The following SMCHD1 variants were observed in gnomAD, a reference collection of about 807,000 sequenced individuals.
SMCHD1 encodes structural maintenance of chromosomes flexible hinge domain-containing protein 1.
SMCHD1 carries 78 observed loss-of-function variants against 254.7 expected under a neutral mutation model. The observed-to-expected ratio is 0.31, with a 90% confidence interval of 0.26 to 0.37. SMCHD1 has a LOEUF of 0.37. Among genes scored for constraint, SMCHD1 ranks in the 10% least tolerant of loss-of-function variants. The pLI is 1.00. For missense variants in SMCHD1, 1,840 were observed against 2,408.1 expected, an observed-to-expected ratio of 0.76 and a Z score of 4.94; for synonymous variants, 766 against 794.9, an observed-to-expected ratio of 0.96 and a Z score of 0.61.
At chr18:2,728,806 G>A (rs2075076846) in intron 23 of SMCHD1, 1 of 453,892 alleles carries the variant, frequency 2.2e-6, no homozygotes, top group South Asian at 4.0e-5. Flanking sequence ...TCATAAATTT[G>A]TGAATAAAAG....
chr18:2,763,532 T>C (rs149884954), intron 36 of SMCHD1, 105 bp from the exon 37 acceptor site: 2 of 922,804 alleles, frequency 2.2e-6, no homozygotes, highest in African/African-American at 3.5e-5. Flanking sequence ...ATCCAGATAA[T>C]TTAATGTTGG....
intron 1 of SMCHD1, among the ~76,000 whole-genome samples, chr18:2,664,160 A>G (rs1367039137): frequency 7.2e-5 from 11 of 152,168 alleles, no homozygotes; most frequent in Non-Finnish European, 1.0e-4. Context: ...TTTGTAATGT[A>G]TTTAAGGCAT....
intron 7 of SMCHD1, among the ~76,000 whole-genome samples, chr18:2,692,467 C>A (rs641217): frequency 0.84 from 128,426 of 152,182 alleles, 57,568 homozygotes; most frequent in East Asian, 1. Context: ...TTTACAATTA[C>A]TGGCATCCAC....
intron 7 of SMCHD1, among the ~76,000 whole-genome samples, chr18:2,693,501 C>A (rs1482933464): frequency 2.6e-5 from 4 of 152,178 alleles, no homozygotes; most frequent in African/African-American, 9.7e-5. Context: ...AAAAGGTACA[C>A]TAATTTTACA....
At chr18:2,772,756 A>G (rs1057182449) in intron 41 of SMCHD1, among the ~76,000 whole-genome samples, 1 of 152,146 alleles carries the variant, frequency 6.6e-6, no homozygotes. Context: ...TCAGCCCCCC[A>G]AGTAGCTGTG....
intron 44 of SMCHD1, among the ~76,000 whole-genome samples, chr18:2,782,451 C>A (rs2076170698): frequency 6.6e-6 from 1 of 151,930 alleles, no homozygotes; most frequent in African/African-American, 2.4e-5. Flanking sequence ...TATTTAAGAT[C>A]ATATTAGGCT....
chr18:2,735,068 CAA>C (rs34701329), intron 25 of SMCHD1, among the ~76,000 whole-genome samples: 4 of 148,972 alleles, frequency 2.7e-5, no homozygotes, highest in African/African-American at 2.5e-5. Context: ...AGACTCATCT[CAA>C]AAAAAAAAAG....
At position 2,770,872 on chromosome 18, in the gene SMCHD1, T is replaced by C. The variant is rs757183248; in HGVS notation, c.4967-661T>C. Among the ~76,000 whole-genome samples the C allele has an allele frequency of 4.9e-4, 75 of 152,326 alleles. 1 individual carries two copies. The highest frequency in any genetic ancestry group is 1.7e-3 in the African/African-American group (69 of 41,582). ...CTTACCTCAAGTGATCTGCCCACCTTGGCCCCCACAAAGTGCTAGGATTAC... is the reference window on the plus strand; with the variant it reads ...CTTACCTCAAGTGATCTGCCCACCTCGGCCCCCACAAAGTGCTAGGATTAC... On this transcript the variant is annotated intron_variant, in intron 39 of 47. Coordinates refer to ENST00000320876, the MANE Select transcript of SMCHD1 (RefSeq NM_015295.3).
intron 1 of SMCHD1, among the ~76,000 whole-genome samples, chr18:2,665,254 T>C (rs1002914941): frequency 1.1e-4 from 17 of 152,194 alleles, no homozygotes; most frequent in Non-Finnish European, 2.1e-4. Flanking sequence ...TTTTCATTTT[T>C]TTGTGTTTTT....
intron 1 of SMCHD1, among the ~76,000 whole-genome samples, chr18:2,656,821 G>C (rs1049848327): frequency 8.5e-5 from 13 of 152,172 alleles, no homozygotes; most frequent in African/African-American, 2.9e-4. Context: ...TCCGCACGGA[G>C]ACACTTGTCC....
intron 45 of SMCHD1, among the ~76,000 whole-genome samples, chr18:2,793,133 G>A (rs1417472416): frequency 6.6e-6 from 1 of 152,150 alleles, no homozygotes; most frequent in East Asian, 1.9e-4. Context: ...AAGTCTACCT[G>A]TGCATCTAAC....
intron 3 of SMCHD1, among the ~76,000 whole-genome samples, chr18:2,668,711 C>G (rs2073508062): frequency 6.6e-6 from 1 of 152,258 alleles, no homozygotes; most frequent in Non-Finnish European, 1.5e-5. Flanking sequence ...TTCTCTTCCT[C>G]CCATTGTTTC....
rs983416147 is a variant in SMCHD1, at chr18:2,655,834, C to T, written c.-242C>T. ...GGAGCGCGCCGCGCGTCCCCTTCTC[C>T]TCAGGAGTGGCGGGCCGCGGAAGTG... On this transcript the variant is annotated 5_prime_UTR_variant, in exon 1 of 48. Coordinates refer to ENST00000320876, the MANE Select transcript of SMCHD1 (RefSeq NM_015295.3). The T allele has an allele frequency of 1.7e-5, 6 of 343,942 alleles. No homozygotes were observed. The highest frequency in any genetic ancestry group is 3.1e-5 in the Non-Finnish European group (6 of 191,366). 21.3% of individuals were successfully genotyped at this position (343,942 alleles called of 1,614,324 possible).
chr18:2,702,931 T>C (rs975149640), intron 12 of SMCHD1, among the ~76,000 whole-genome samples: 2 of 152,206 alleles, frequency 1.3e-5, no homozygotes, highest in African/African-American at 4.8e-5. Flanking sequence ...TACCTCCTCA[T>C]TGCCCTAGAG....
chr18:2,709,020 A>G (rs1300334322), intron 17 of SMCHD1, among the ~76,000 whole-genome samples: 9 of 148,120 alleles, frequency 6.1e-5, no homozygotes, highest in Admixed American at 4.7e-4. Context: ...GAAACTCTAT[A>G]GTAATAACTC....
At chr18:2,748,438 G>A (rs1269729529) in intron 30 of SMCHD1, among the ~76,000 whole-genome samples, 1 of 131,586 alleles carries the variant, frequency 7.6e-6, no homozygotes, top group African/African-American at 2.9e-5. Flanking sequence ...CAACGCCCCA[G>A]GCTGGAGTGC....
chr18:2,676,371 T>C (rs2073748543), intron 5 of SMCHD1, among the ~76,000 whole-genome samples: 1 of 152,148 alleles, frequency 6.6e-6, no homozygotes, highest in Admixed American at 6.5e-5. Context: ...GATAAGGTGG[T>C]TGGAGAAGAG....
chr18:2,786,553 G>A (rs62077715), intron 45 of SMCHD1, among the ~76,000 whole-genome samples: 29,362 of 151,810 alleles, frequency 0.19, 3,080 homozygotes, highest in Admixed American at 0.26. Context: ...TTAGCTGGGC[G>A]TGGTGGTGGG....
In SMCHD1 at chr18:2,801,221, T is replaced by C. The variant is rs190916190; in HGVS notation, c.5994-1307T>C. On this transcript the variant is annotated intron_variant, in intron 47 of 47. Transcript: ENST00000320876. ...GTGACTGACAAAATACTCACTAAGA[T>C]ACTTCATAGTAATACTGTATCATAT... The C allele has an allele frequency of 3.9e-5, 6 of 152,322 alleles. No homozygotes were observed. In the East Asian group the frequency reaches 1.2e-3, roughly 29 times the overall value. 9.4% of individuals were successfully genotyped at this position (152,322 alleles called of 1,614,324 possible).
Sources: allele counts gnomAD v4.1 joint callset (sites outside exome capture counted in the v4.1 genomes callset), GRCh38; gene constraint gnomAD v4.1.1; transcripts MANE v1.5; gene names NCBI Gene and HGNC (gene_info 2026-07-23, HGNC 2026-07-21).